The following SNX30 variants were observed in gnomAD, a reference collection of about 807,000 sequenced individuals.
The protein encoded by SNX30 is sorting nexin-30.
Under a neutral mutation model 46.4 loss-of-function variants are expected in SNX30, and 24 were observed. That is an observed-to-expected ratio of 0.52 (90% CI 0.37 to 0.73). The LOEUF (loss-of-function observed/expected upper bound fraction) is 0.73, where lower values mean the gene tolerates loss of function less well. Ranked by LOEUF, SNX30 falls within the 30% of genes least tolerant of loss-of-function variation. SNX30 has a pLI of 0.00. For synonymous variants in SNX30, 189 were observed against 211.5 expected (o/e 0.89, Z 0.92); for missense variants, 533 against 555.7 (o/e 0.96, Z 0.41).
chr9:112,758,518 T>C (rs1056823755), intron 1 of SNX30, among the ~76,000 whole-genome samples: 1 of 151,990 alleles, frequency 6.6e-6, no homozygotes, highest in Non-Finnish European at 1.5e-5. Flanking sequence ...TTGGTAGAGA[T>C]GGGGTTTCGC....
In SNX30 at chr9:112,850,961, T is replaced by C. The variant is rs1005428044; in HGVS notation, c.1101+16T>C. On this transcript the variant is annotated intron_variant, in intron 7 of 8. Coordinates refer to ENST00000374232, the MANE Select transcript of SNX30 (RefSeq NM_001012994.2). ...CCGCCCCAAGGTCAGGGAAGCCACCTGGGAAGGGCTGCAAAGCTGTAGTCT... is the reference window on the plus strand; with the variant it reads ...CCGCCCCAAGGTCAGGGAAGCCACCCGGGAAGGGCTGCAAAGCTGTAGTCT... The C allele has an allele frequency of 3.1e-6, 5 of 1,603,162 alleles. No individual in the cohort carries two copies. The highest frequency in any genetic ancestry group is 1.7e-5 in the Admixed American group (1 of 59,920).
chr9:112,818,228 G>T (rs1314379253), intron 3 of SNX30, among the ~76,000 whole-genome samples: 2 of 138,936 alleles, frequency 1.4e-5, no homozygotes, highest in Non-Finnish European at 3.0e-5. Context: ...TTGAGACAGA[G>T]TCGCACTCTC....
At chr9:112,849,153 T>C (rs1054270863) in intron 6 of SNX30, among the ~76,000 whole-genome samples, 2 of 152,226 alleles carry the variant, frequency 1.3e-5, no homozygotes, top group Admixed American at 6.5e-5. Context: ...GCTGTTCCAT[T>C]GCACCTTGGG....
intron 4 of SNX30, among the ~76,000 whole-genome samples, chr9:112,834,875 CACACACA>C (rs779342747): frequency 0.058 from 5,462 of 93,730 alleles, 133 homozygotes; most frequent in Middle Eastern, 0.095. Flanking sequence ...CACACACACA[CACACACA>C]CCTACCTCAA....
At chr9:112,811,384 A>G (rs144510307) in intron 2 of SNX30, among the ~76,000 whole-genome samples, 1 of 152,198 alleles carries the variant, frequency 6.6e-6, no homozygotes, top group South Asian at 2.1e-4. Flanking sequence ...TTTGGATCAA[A>G]TGGACGTTCT....
At chr9:112,767,887 A>AT (rs2131359869) in intron 1 of SNX30, among the ~76,000 whole-genome samples, 1 of 152,284 alleles carries the variant, frequency 6.6e-6, no homozygotes, top group East Asian at 1.9e-4. Context: ...GATGTGAGCC[A>AT]TTTTGTCTGG....
At chr9:112,868,682 C>A (rs1200337577) in intron 8 of SNX30, 102 bp from the exon 9 acceptor site, 1 of 1,223,802 alleles carries the variant, frequency 8.2e-7, no homozygotes, top group Non-Finnish European at 1.2e-6. Flanking sequence ...ACAAAGGTAA[C>A]CCAGCAGGAT....
At chr9:112,856,998 G>A (rs1045325388) in intron 7 of SNX30, among the ~76,000 whole-genome samples, 8 of 152,200 alleles carry the variant, frequency 5.3e-5, no homozygotes, top group Admixed American at 3.9e-4. Context: ...TGGTGGAGCC[G>A]GTATGGAGTC....
chr9:112,845,556 A>G (rs531010052), intron 6 of SNX30, among the ~76,000 whole-genome samples: 1 of 152,142 alleles, frequency 6.6e-6, no homozygotes, highest in South Asian at 2.1e-4. Flanking sequence ...GGAGCAAGAG[A>G]CTCTAGGCAC....
At chr9:112,854,264 T>A (rs1841083461) in intron 7 of SNX30, among the ~76,000 whole-genome samples, 1 of 152,208 alleles carries the variant, frequency 6.6e-6, no homozygotes. Context: ...TTTTGTGCCC[T>A]CAGACCCCCA....
chr9:112,868,627 T>TC (rs1322863047), intron 8 of SNX30, among the ~76,000 whole-genome samples, 157 bp from the exon 9 acceptor site: 7 of 152,162 alleles, frequency 4.6e-5, no homozygotes, highest in Admixed American at 2.6e-4. Flanking sequence ...ACCTGTTACC[T>TC]CCCCGTTTGT....
At chr9:112,807,160 G>A (rs964875636) in intron 2 of SNX30, among the ~76,000 whole-genome samples, 1 of 144,202 alleles carries the variant, frequency 6.9e-6, no homozygotes, top group Admixed American at 7.1e-5. Flanking sequence ...CGCCCTCTGG[G>A]TTCAAGGGGA....
At chr9:112,810,864 G>A (rs976770059) in intron 2 of SNX30, among the ~76,000 whole-genome samples, 2 of 152,136 alleles carry the variant, frequency 1.3e-5, no homozygotes, top group East Asian at 1.9e-4. Context: ...CCTCAGAAGG[G>A]TTTTCACAGG....
intron 1 of SNX30, among the ~76,000 whole-genome samples, chr9:112,778,474 G>T (rs143973172): frequency 8.1e-4 from 124 of 152,262 alleles, no homozygotes; most frequent in African/African-American, 2.8e-3. Context: ...GTTTCGCCAT[G>T]TTGGCCAGGC....
At chr9:112,783,606 TC>T (rs1212521545) in intron 1 of SNX30, among the ~76,000 whole-genome samples, 3 of 152,224 alleles carry the variant, frequency 2.0e-5, no homozygotes, top group African/African-American at 7.2e-5. Context: ...TAGTCCAGGT[TC>T]CCGGGCAATC....
In SNX30 at chr9:112,869,620, T is replaced by G. The variant is rs1432796811; in HGVS notation, c.*777T>G. The G allele has an allele frequency of 6.6e-6, 1 of 151,668 alleles. No homozygotes were observed. Among genetic ancestry groups the G allele is most frequent in the African/African-American group, 2.4e-5 (1 of 41,278 alleles). 9.4% of individuals were successfully genotyped at this position (151,668 alleles called of 1,614,324 possible). ...AAATGAAAAAAACAAAGTGCTGGTT[T>G]TTTTTTTTTTTCTGTGAAGGTCTTC... On this transcript the variant is annotated 3_prime_UTR_variant, in exon 9 of 9. Transcript: ENST00000374232.
chr9:112,757,653 C>A (rs1031257742), intron 1 of SNX30, among the ~76,000 whole-genome samples: 1 of 152,182 alleles, frequency 6.6e-6, no homozygotes, highest in Admixed American at 6.5e-5. Context: ...CCGCGTATAT[C>A]ATTTTGTCTT....
At chr9:112,859,000 T>G (rs1318409504) in intron 7 of SNX30, among the ~76,000 whole-genome samples, 1 of 152,226 alleles carries the variant, frequency 6.6e-6, no homozygotes, top group Non-Finnish European at 1.5e-5. Flanking sequence ...TTAGTCGTGT[T>G]AAGCACATTT....
rs1473726830 is a variant in SNX30 at position 112,774,062 on chromosome 9, T to G, written c.156+22905T>G. ...CCCAGAGGAAATGGATGAGAGAAAC[T>G]GGACTTAGGAAGTTCATATTCCATT... On this transcript the variant is annotated intron_variant, in intron 1 of 8. Coordinates refer to ENST00000374232, the MANE Select transcript of SNX30 (RefSeq NM_001012994.2). Among the ~76,000 whole-genome samples, 3 of 152,216 alleles carry G rather than the reference T, an allele frequency of 2.0e-5. No individual in the cohort carries two copies. In the East Asian group the frequency reaches 5.8e-4, roughly 29 times the overall value.
Sources: gnomAD v4.1 joint callset for allele counts (sites outside exome capture counted in the v4.1 genomes callset) on GRCh38, gnomAD v4.1.1 for gene constraint, MANE v1.5 for transcripts, NCBI Gene and HGNC (gene_info 2026-07-23, HGNC 2026-07-21) for gene names.